NRBP1: variants seen among roughly 807,000 people sequenced by gnomAD.
NRBP1 encodes the protein nuclear receptor-binding protein.
In NRBP1, 10 loss-of-function variants were observed where a neutral mutation model predicts 76.0. The observed-to-expected ratio is 0.13, with a 90% CI of 0.08 to 0.22. NRBP1 has a LOEUF of 0.22. Among genes scored for constraint, NRBP1 ranks in the 10% least tolerant of loss-of-function variants. NRBP1 has a pLI of 1.00. For synonymous variants in NRBP1, 235 were observed against 240.2 expected (o/e 0.98, Z 0.20); for missense variants, 344 against 646.0 (o/e 0.53, Z 5.07).
chr2:27,437,483 A>T, intron 10 of NRBP1, 123 bp downstream of exon 10: 1 of 710,068 alleles, frequency 1.4e-6, no homozygotes, highest in Non-Finnish European at 2.4e-6. Flanking sequence ...AGGACACGAA[A>T]AATCTATAAA....
At chr2:27,432,253 T>C (rs811904) in intron 1 of NRBP1, among the ~76,000 whole-genome samples, 1,962 of 152,248 alleles carry the variant, frequency 0.013, 38 homozygotes, top group African/African-American at 0.045. Context: ...AGCACCTGAT[T>C]TTGCTGGTGA....
chr2:27,436,733 G>GGT lies in NRBP1; in HGVS notation c.662-17_662-16dup, dbSNP rs1664322448. The GGT allele has an allele frequency of 8.1e-6, 13 of 1,602,834 alleles. No individual in the cohort carries two copies. Among genetic ancestry groups the GGT allele is most frequent in the Non-Finnish European group, 1.0e-5 (12 of 1,169,792 alleles). On this transcript the variant is annotated intron_variant, in intron 7 of 17. Transcript: ENST00000379852. ...CTTCATTGATGATGGTCAGATTGTGGGTGTCTCCCCTACTCCCAGTGGCTC... is the reference window on the plus strand; with the variant it reads ...CTTCATTGATGATGGTCAGATTGTGGGTGTGTCTCCCCTACTCCCAGTGGCTC...
chr2:27,431,024 G>A (rs1664091750), intron 1 of NRBP1, among the ~76,000 whole-genome samples: 1 of 152,212 alleles, frequency 6.6e-6, no homozygotes, highest in African/African-American at 2.4e-5. Context: ...ACCTAGGCTG[G>A]GTGTGGTGGC....
At chr2:27,431,270 A>T (rs940298454) in intron 1 of NRBP1, among the ~76,000 whole-genome samples, 1 of 152,240 alleles carries the variant, frequency 6.6e-6, no homozygotes, top group Non-Finnish European at 1.5e-5. Context: ...ACGGCACTCC[A>T]GCCTGGGTGA....
chr2:27,431,819 T>A (rs1204533020), intron 1 of NRBP1: 3 of 152,108 alleles, frequency 2.0e-5, no homozygotes, highest in Non-Finnish European at 4.4e-5. Context: ...GAGTCTGGAG[T>A]CATCTGTTCT....
chr2:27,442,106 G>T lies in NRBP1; in HGVS notation c.*294G>T. 1.9e-6 allele frequency: 1 copy of T among 530,532 alleles called. No homozygotes were observed. The highest frequency in any genetic ancestry group is 3.3e-6 in the Non-Finnish European group (1 of 303,276). The allele number at this position is 530,532 out of a possible 1,614,324, so 32.9% of individuals were successfully genotyped here. A position where few individuals can be genotyped will look rare whatever the true frequency, so the allele number is the denominator to read the frequency against. On this transcript the variant is annotated 3_prime_UTR_variant, in exon 18 of 18. Coordinates refer to ENST00000379852, the MANE Select transcript of NRBP1 (RefSeq NM_013392.4). ...TGCCGGCTCCCGCCCAGCCTGTGTGGAAAGGAGGCCCACGGGCACTAGGGG... is the reference window on the plus strand; with the variant it reads ...TGCCGGCTCCCGCCCAGCCTGTGTGTAAAGGAGGCCCACGGGCACTAGGGG...
intron 7 of NRBP1, chr2:27,435,701 C>G: frequency 1.4e-6 from 1 of 717,698 alleles, no homozygotes; most frequent in Non-Finnish European, 2.6e-6. Flanking sequence ...CTCCCGCTTA[C>G]GGGCTGCTCT....
At chr2:27,434,931 C>T (rs1664248537) in intron 6 of NRBP1, 169 bp downstream of exon 6, 1 of 705,040 alleles carries the variant, frequency 1.4e-6, no homozygotes, top group Admixed American at 2.3e-5. Context: ...GTCCTAATGC[C>T]CTAACCACGA....
intron 6 of NRBP1, 136 bp downstream of exon 6, chr2:27,434,898 C>T (rs985151969): frequency 1.1e-6 from 1 of 939,680 alleles, no homozygotes; most frequent in Non-Finnish European, 1.7e-6. Flanking sequence ...GATTAGGGCC[C>T]CTACGGGTCT....
chr2:27,432,748 A>G (rs1416732684), intron 1 of NRBP1, among the ~76,000 whole-genome samples: 5 of 151,462 alleles, frequency 3.3e-5, no homozygotes. Context: ...GCTAATTTTT[A>G]AATTTTTTTG....
intron 11 of NRBP1, 39 bp from the exon 12 acceptor site, chr2:27,440,364 C>G (rs761826885): frequency 1.5e-6 from 2 of 1,353,182 alleles, no homozygotes; most frequent in Non-Finnish European, 2.1e-6. Context: ...TTTAATCTGA[C>G]TATCCCTTCA....
rs70953859 is a variant in NRBP1 at position 27,439,995 on chromosome 2, CTTTTTTTTTTTTTTTTTTT to C, written c.1036+115_1036+133del. ...TTTCCTCTTTATTTCCAAAGGGATT[CTTTTTTTTTTTTTTTTTTT>C]TTTTTTTTTTTTTTTTTGAGACAGA... On this transcript the variant is annotated intron_variant, in intron 11 of 17. Transcript: ENST00000379852. 1.3e-3 allele frequency: 586 copies of C among 459,154 alleles called. 18 individuals are homozygous for C. The highest frequency in any genetic ancestry group is 7.1e-3 in the East Asian group (68 of 9,638). The allele number at this position is 459,154 out of a possible 1,614,324, so 28.4% of individuals were successfully genotyped here. A position where few individuals can be genotyped will look rare whatever the true frequency, so the allele number is the denominator to read the frequency against.
chr2:27,441,378 CT>C (rs745729377), intron 16 of NRBP1, 48 bp downstream of exon 16: 2 of 1,533,950 alleles, frequency 1.3e-6, no homozygotes, highest in East Asian at 4.5e-5. Flanking sequence ...TGAGCCTTAT[CT>C]TTTAGGGACA....
chr2:27,435,454 G>C, intron 7 of NRBP1: 1 of 604,308 alleles, frequency 1.7e-6, no homozygotes, highest in Non-Finnish European at 2.9e-6. Context: ...GGTTAATACA[G>C]AGATACTGAT....
At chr2:27,434,818 C>G in intron 6 of NRBP1, 56 bp downstream of exon 6, 1 of 1,526,336 alleles carries the variant, frequency 6.6e-7, no homozygotes, top group East Asian at 2.2e-5. Flanking sequence ...TTACTCCAAA[C>G]AGATTTCAGG....
At position 27,440,815 on chromosome 2, in the gene NRBP1, T is replaced by C. The variant is rs1193397805; in HGVS notation, c.1204T>C (p.Tyr402His). The C allele has an allele frequency of 6.2e-7, 1 of 1,614,104 alleles. No individual in the cohort carries two copies. Among genetic ancestry groups the C allele is most frequent in the Non-Finnish European group, 8.5e-7 (1 of 1,180,038 alleles). Residue 402 changes from tyrosine (Y) to histidine (H), a missense_variant, in exon 14 of 18, where the codon TAT becomes CAT. Around this residue, in one of 3 missense-constraint regions of NRBP1, gnomAD observed 218 missense variants for 309.8 expected, o/e 0.70. Coordinates refer to ENST00000379852, the MANE Select transcript of NRBP1 (RefSeq NM_013392.4). Reference sequence around the variant, plus strand: ...TTCATCTCCCTCCAGGAATGGGATCTATCCTCTGACAGCCTTTGGGCTGCC... The same window carrying C: ...TTCATCTCCCTCCAGGAATGGGATCCATCCTCTGACAGCCTTTGGGCTGCC... ...KFLEDVRNGI[Y>H]PLTAFGLPRP...
chr2:27,439,954 T>C (rs1572694872), intron 11 of NRBP1, 56 bp downstream of exon 11: 2 of 1,351,720 alleles, frequency 1.5e-6, no homozygotes, highest in Non-Finnish European at 1.0e-6. Context: ...CCTGTAACTA[T>C]CACTGGCATG....
upstream of NRBP1, chr2:27,428,458 C>T (rs2148440829): frequency 5.1e-6 from 2 of 391,532 alleles, no homozygotes; most frequent in East Asian, 3.6e-5. Context: ...TCGACCCCTC[C>T]GAGAGGTCTC....
intron 1 of NRBP1, chr2:27,429,292 G>A (rs527838423): frequency 1.3e-5 from 2 of 152,590 alleles, no homozygotes; most frequent in South Asian, 2.1e-4. Flanking sequence ...TCTAGGGGCC[G>A]GGTTCCTCCC....
Sources: gnomAD v4.1 joint callset for allele counts (sites outside exome capture counted in the v4.1 genomes callset) on GRCh38, gnomAD v4.1.1 for gene constraint, gnomAD v4.1.1 regional missense constraint, MANE v1.5 for transcripts, NCBI Gene and HGNC (gene_info 2026-07-23, HGNC 2026-07-21) for gene names.